Variants in SUMF1 observed in about 807,000 individuals in gnomAD.
SUMF1 encodes the protein formylglycine-generating enzyme.
In SUMF1, 48 loss-of-function variants were observed where a neutral mutation model predicts 47.6. That is an observed-to-expected ratio of 1.01 (90% confidence interval 0.80 to 1.28). The LOEUF (loss-of-function observed/expected upper bound fraction) is 1.28. Among genes scored for constraint, SUMF1 ranks in the 50% most tolerant of loss-of-function variants. The probability of loss-of-function intolerance (pLI) is 0.00; values close to 1 mark genes in which losing one functional copy is unlikely to be tolerated. For synonymous variants in SUMF1, 230 were observed against 192.1 expected, an observed-to-expected ratio of 1.20 and a Z score of -1.63; for missense variants, 571 against 485.4, an observed-to-expected ratio of 1.18 and a Z score of -1.66.
intron 6 of SUMF1, among the ~76,000 whole-genome samples, chr3:4,412,820 C>T (rs1017229271): frequency 6.6e-6 from 1 of 152,078 alleles, no homozygotes; most frequent in African/African-American, 2.4e-5. Flanking sequence ...ACCCAGGAGG[C>T]AGAGGTTGCA....
intron 8 of SUMF1, among the ~76,000 whole-genome samples, chr3:4,347,840 G>C (rs1043142340): frequency 4.6e-5 from 7 of 152,062 alleles, no homozygotes; most frequent in African/African-American, 1.7e-4. Flanking sequence ...AAAGTCTCAG[G>C]GTACAAAAGT....
chr3:4,130,911 CA>C (rs1693773373), intron 8 of SUMF1, among the ~76,000 whole-genome samples: 1 of 152,114 alleles, frequency 6.6e-6, no homozygotes, highest in African/African-American at 2.4e-5. Context: ...CCATATGACC[CA>C]ACAGATCCAA....
chr3:4,426,253 C>T (rs1457104909), intron 3 of SUMF1, among the ~76,000 whole-genome samples: 6 of 152,186 alleles, frequency 3.9e-5, no homozygotes, highest in African/African-American at 1.4e-4. Flanking sequence ...GATCATAAGT[C>T]ACCACTGTGA....
chr3:4,303,807 G>A (rs1339130283), intron 8 of SUMF1: 1 of 1,396,240 alleles, frequency 7.2e-7, no homozygotes, highest in Non-Finnish European at 9.5e-7. Flanking sequence ...CCTGTCCTCA[G>A]AACTCAAGGA....
chr3:4,346,561 C>T (rs140458530), intron 8 of SUMF1, among the ~76,000 whole-genome samples: 2,773 of 151,962 alleles, frequency 0.018, 42 homozygotes, highest in East Asian at 0.039. Context: ...CACTAAATGC[C>T]CACATCAGAA....
intron 7 of SUMF1, among the ~76,000 whole-genome samples, chr3:4,408,362 A>G (rs1701437235): frequency 6.6e-6 from 1 of 152,216 alleles, no homozygotes; most frequent in Non-Finnish European, 1.5e-5. Flanking sequence ...AAACACAGTA[A>G]ACTGTTAACA....
chr3:4,064,754 C>T (rs550651492), intron 9 of SUMF1, among the ~76,000 whole-genome samples: 50 of 152,268 alleles, frequency 3.3e-4, no homozygotes, highest in African/African-American at 1.1e-3. Flanking sequence ...GTCTACAGAA[C>T]GCATGCTCTT....
intron 8 of SUMF1, among the ~76,000 whole-genome samples, chr3:4,129,483 T>C (rs1265416283): frequency 1.3e-5 from 2 of 152,084 alleles, no homozygotes; most frequent in Admixed American, 1.3e-4. Flanking sequence ...ATTTGAATTA[T>C]AAAAGCAGTG....
chr3:4,427,672 CT>C (rs1702109744), intron 3 of SUMF1, among the ~76,000 whole-genome samples: 2 of 152,160 alleles, frequency 1.3e-5, no homozygotes, highest in South Asian at 4.1e-4. Context: ...CAGACTTGAA[CT>C]TTTCAATACT....
intron 8 of SUMF1, among the ~76,000 whole-genome samples, chr3:4,072,267 TAGAA>T (rs1373006784): frequency 6.6e-6 from 1 of 151,770 alleles, no homozygotes; most frequent in Non-Finnish European, 1.5e-5. Flanking sequence ...AACTAACAAA[TAGAA>T]AGGAATAGCA....
chr3:4,097,109 T>C (rs1363572564), intron 8 of SUMF1, among the ~76,000 whole-genome samples: 1 of 152,148 alleles, frequency 6.6e-6, no homozygotes, highest in African/African-American at 2.4e-5. Context: ...GTTTGACAAT[T>C]TCTAGGTTCA....
intron 7 of SUMF1, among the ~76,000 whole-genome samples, chr3:4,378,769 A>G (rs931030306): frequency 2.0e-5 from 3 of 152,226 alleles, no homozygotes; most frequent in East Asian, 3.8e-4. Context: ...TTCTTGCATT[A>G]CACTGCTTTA....
intron 8 of SUMF1, among the ~76,000 whole-genome samples, chr3:4,291,505 G>C (rs1343624851): frequency 2.6e-5 from 4 of 151,894 alleles, no homozygotes; most frequent in African/African-American, 9.7e-5. Flanking sequence ...GCCTCACTTT[G>C]TTCCAGAAAA....
intron 8 of SUMF1, among the ~76,000 whole-genome samples, chr3:4,235,555 G>C (rs1344881280): frequency 6.6e-6 from 1 of 152,006 alleles, no homozygotes; most frequent in Non-Finnish European, 1.5e-5. Context: ...TTACGCAAGT[G>C]CTAAAAATTA....
chr3:4,237,509 T>C (rs1376672749), intron 8 of SUMF1, among the ~76,000 whole-genome samples: 1 of 152,152 alleles, frequency 6.6e-6, no homozygotes, highest in African/African-American at 2.4e-5. Flanking sequence ...TTTAAAAGTT[T>C]TTAAATATTT....
intron 8 of SUMF1, chr3:4,316,279 G>A (rs775582810): frequency 8.6e-6 from 8 of 933,982 alleles, no homozygotes; most frequent in South Asian, 4.2e-5. Flanking sequence ...AAAATGGGTC[G>A]TAAAGCAGCA....
At chr3:4,050,683 C>T (rs867581106) in intron 9 of SUMF1, among the ~76,000 whole-genome samples, 9 of 138,472 alleles carry the variant, frequency 6.5e-5, no homozygotes, top group South Asian at 2.2e-4. Flanking sequence ...GTGGAGGCTG[C>T]AGTGAGCCGA....
At chr3:4,094,334 T>G (rs1692853765) in intron 8 of SUMF1, among the ~76,000 whole-genome samples, 1 of 152,062 alleles carries the variant, frequency 6.6e-6, no homozygotes, top group South Asian at 2.1e-4. Context: ...AAAGATGGTA[T>G]AAATATAGAT....
At chr3:4,079,267 C>T (rs1692506544) in intron 8 of SUMF1, among the ~76,000 whole-genome samples, 1 of 152,086 alleles carries the variant, frequency 6.6e-6, no homozygotes, top group Non-Finnish European at 1.5e-5. Context: ...AACCACACAC[C>T]AGAATCTTAG....
Sources: gnomAD v4.1 joint callset for allele counts (sites outside exome capture counted in the v4.1 genomes callset) on GRCh38, gnomAD v4.1.1 for gene constraint, MANE v1.5 for transcripts, NCBI Gene and HGNC (gene_info 2026-07-23, HGNC 2026-07-21) for gene names.